The following CTBP2 variants were observed in gnomAD, a reference collection of about 807,000 sequenced individuals.
CTBP2 encodes the protein C-terminal binding protein 2.
In CTBP2, 30 loss-of-function variants were observed where a neutral mutation model predicts 80.3. That is an observed-to-expected ratio of 0.37 (90% CI 0.28 to 0.51). CTBP2 has a LOEUF of 0.51. CTBP2 is among the 20% of genes least tolerant of loss of function. The pLI, the probability that CTBP2 is intolerant of heterozygous loss-of-function variation, is 0.93. For synonymous variants in CTBP2, 594 were observed against 587.4 expected (o/e 1.01, Z -0.16); for missense variants, 1,212 against 1,375.3 (o/e 0.88, Z 1.88).
intron 1 of CTBP2, among the ~76,000 whole-genome samples, chr10:125,130,781 C>T (rs893895573): frequency 2.6e-5 from 4 of 152,098 alleles, no homozygotes; most frequent in Non-Finnish European, 5.9e-5. Context: ...ACAAGACTAG[C>T]GGAACTCTAA....
chr10:125,067,138 A>G (rs933784987), intron 2 of CTBP2, among the ~76,000 whole-genome samples: 2 of 152,252 alleles, frequency 1.3e-5, no homozygotes, highest in Non-Finnish European at 2.9e-5. Context: ...ACACAAAAAA[A>G]GTCTTCTGTG....
Position 125,026,621 on chromosome 10 carries a change from T to C in CTBP2, c.1139A>G (p.His380Arg), listed in dbSNP as rs1448846370. The C allele has an allele frequency of 4.8e-6, 7 of 1,444,868 alleles. No individual in the cohort carries two copies. Among genetic ancestry groups the C allele is most frequent in the South Asian group, 1.2e-5 (1 of 84,560 alleles). 89.5% of individuals were successfully genotyped at this position (1,444,868 alleles called of 1,614,324 possible). Residue 380 changes from histidine to arginine, a missense_variant, in exon 1 of 9, where the codon CAT (histidine) becomes CGT (arginine). By Grantham distance (29) the His-to-Arg change is conservative. Coordinates refer to ENST00000309035, the MANE Select transcript of CTBP2 (RefSeq NM_022802.3). ...AGCGCCCAGAGAAGCCAAGTCACCA[T>C]GGAGCAGTTCGCTTCGGTGGCTGAA... is the stretch of plus-strand genomic sequence containing the variant.
At position 125,041,517 on chromosome 10, in the gene CTBP2, C is replaced by G. The variant is rs4962423; in HGVS notation, c.-101-2362G>C. 2.3e-5 allele frequency among the ~76,000 whole-genome samples: 3 copies of G among 129,752 alleles called. 1 individual carries two copies. The highest frequency in any genetic ancestry group is 6.1e-4 in the South Asian group (2 of 3,294). The allele number at this position is 129,752 out of a possible 152,430, so 85.1% of individuals were successfully genotyped here. A position where few individuals can be genotyped will look rare whatever the true frequency, so the allele number is the denominator to read the frequency against. Reference sequence around the variant, plus strand: ...TTGTCCATCCCCACCCCCCCCCCCCCCACCCACAAGTGACTCTAGGTGAGG... The same window carrying G: ...TTGTCCATCCCCACCCCCCCCCCCCGCACCCACAAGTGACTCTAGGTGAGG... On this transcript the variant is annotated intron_variant, in intron 2 of 10. Coordinates refer to the CTBP2 transcript ENST00000337195.
intron 2 of CTBP2, among the ~76,000 whole-genome samples, chr10:125,083,252 A>G (rs1169466785): frequency 6.6e-6 from 1 of 152,168 alleles, no homozygotes; most frequent in Admixed American, 6.5e-5. Context: ...ATACTTTCCA[A>G]AGCTGGAAAA....
intron 2 of CTBP2, among the ~76,000 whole-genome samples, chr10:125,061,113 T>C (rs1964889200): frequency 6.6e-6 from 1 of 152,248 alleles, no homozygotes; most frequent in Non-Finnish European, 1.5e-5. Context: ...CAAAACATCC[T>C]TCCTGGGACC....
chr10:124,998,732 C>T (rs563509025), intron 3 of CTBP2: 3 of 171,020 alleles, frequency 1.8e-5, no homozygotes, highest in East Asian at 1.6e-4. Context: ...AACCGATGGC[C>T]GAAGCGTGTG....
upstream of CTBP2, chr10:125,160,581 GCCCCTC>G (rs1404088506): frequency 1.6e-5 from 1 of 62,408 alleles, no homozygotes; most frequent in African/African-American, 6.5e-5. Context: ...CCAGCTCCCC[GCCCCTC>G]CCCCTCCCGC....
intron 2 of CTBP2, among the ~76,000 whole-genome samples, chr10:125,054,403 A>C (rs1963439276): frequency 6.6e-6 from 1 of 151,950 alleles, no homozygotes; most frequent in South Asian, 2.1e-4. Context: ...CTAAGGAGAG[A>C]CCCACGGAAC....
intron 2 of CTBP2, among the ~76,000 whole-genome samples, chr10:125,076,792 G>GT (rs2135513843): frequency 6.6e-6 from 1 of 152,326 alleles, no homozygotes; most frequent in South Asian, 2.1e-4. Context: ...GAGATGGCTC[G>GT]TTCCTTGTGC....
intron 2 of CTBP2, among the ~76,000 whole-genome samples, chr10:125,081,301 C>T (rs1847135908): frequency 6.6e-6 from 1 of 152,130 alleles, no homozygotes. Flanking sequence ...ACGCAGAATC[C>T]GAAGTTTCTT....
At chr10:125,032,616 C>T (rs569916971), upstream of CTBP2, among the ~76,000 whole-genome samples, 10 of 152,180 alleles carry the variant, frequency 6.6e-5, no homozygotes, top group Non-Finnish European at 8.8e-5. Context: ...GGCCGCTTAG[C>T]CCCTGACCTG....
intron 1 of CTBP2, among the ~76,000 whole-genome samples, chr10:125,022,236 T>C (rs372823971): frequency 5.9e-5 from 9 of 152,158 alleles, no homozygotes; most frequent in African/African-American, 1.7e-4. Flanking sequence ...CTTCCAAGCA[T>C]AGGAGTGGCC....
At chr10:125,149,883 T>C (rs916802230) in intron 1 of CTBP2, among the ~76,000 whole-genome samples, 2 of 152,238 alleles carry the variant, frequency 1.3e-5, no homozygotes, top group Admixed American at 6.5e-5. Flanking sequence ...AGTTCTCTGA[T>C]AGCCTCTTTG....
intron 1 of CTBP2, among the ~76,000 whole-genome samples, chr10:125,114,082 G>A (rs1852759402): frequency 6.6e-6 from 1 of 152,206 alleles, no homozygotes; most frequent in South Asian, 2.1e-4. Context: ...GGATTCACCA[G>A]GGGATATTTT....
intron 1 of CTBP2, among the ~76,000 whole-genome samples, chr10:125,130,759 C>A (rs1856037119): frequency 6.6e-6 from 1 of 152,174 alleles, no homozygotes; most frequent in Admixed American, 6.5e-5. Flanking sequence ...TAGAGACCGA[C>A]TGTACTGCCA....
chr10:125,107,830 C>A (rs909993815), intron 2 of CTBP2, among the ~76,000 whole-genome samples: 1 of 152,212 alleles, frequency 6.6e-6, no homozygotes, highest in Non-Finnish European at 1.5e-5. Context: ...CGGAAACAGT[C>A]CTATCTTTGC....
rs1952048872 is a variant in CTBP2 at position 124,986,550 on chromosome 10, A to G, written c.*2968T>C. 6.6e-6 allele frequency: 1 copy of G among 152,196 alleles called. No individual in the cohort carries two copies. Among genetic ancestry groups the G allele is most frequent in the African/African-American group, 2.4e-5 (1 of 41,432 alleles). 9.4% of individuals were successfully genotyped at this position (152,196 alleles called of 1,614,324 possible). The stretch of plus-strand genomic sequence containing the variant: ...AAGATCATTTTTTGCTGCATGCTAA[A>G]TCTTGCAGGAAAAATGATTTTTTAG... On this transcript the variant is annotated 3_prime_UTR_variant, in exon 9 of 9. Coordinates refer to ENST00000309035, the MANE Select transcript of CTBP2 (RefSeq NM_022802.3).
intron 1 of CTBP2, among the ~76,000 whole-genome samples, chr10:125,022,796 G>T (rs1034876818): frequency 1.3e-5 from 2 of 152,232 alleles, no homozygotes; most frequent in Non-Finnish European, 2.9e-5. Flanking sequence ...GAAGCCTGCC[G>T]AAGGTTTAAG....
chr10:125,075,761 A>C (rs1487966506), intron 2 of CTBP2, among the ~76,000 whole-genome samples: 2 of 152,230 alleles, frequency 1.3e-5, no homozygotes, highest in Non-Finnish European at 1.5e-5. Context: ...AATGCACCAG[A>C]ATTGCCAAAT....
Sources: allele counts gnomAD v4.1 joint callset (sites outside exome capture counted in the v4.1 genomes callset), GRCh38; gene constraint gnomAD v4.1.1; transcripts MANE v1.5; gene names NCBI Gene and HGNC (gene_info 2026-07-23, HGNC 2026-07-21).